DLC1: variants seen among roughly 807,000 people sequenced by gnomAD.
DLC1 encodes the protein rho GTPase-activating protein 7.
DLC1 carries 54 observed loss-of-function variants against 140.3 expected under a neutral mutation model. That is an observed-to-expected ratio of 0.38 (90% CI 0.31 to 0.48). DLC1 has a LOEUF of 0.48. DLC1 is among the 20% of genes least tolerant of loss of function. DLC1 has a pLI of 0.96. For synonymous variants in DLC1, 986 were observed against 728.1 expected, an observed-to-expected ratio of 1.35 and a Z score of -5.70; for missense variants, 2,536 against 1,907.0, an observed-to-expected ratio of 1.33 and a Z score of -6.14.
intron 5 of DLC1, among the ~76,000 whole-genome samples, chr8:13,242,882 G>C (rs1252705328): frequency 6.6e-6 from 1 of 152,054 alleles, no homozygotes; most frequent in Non-Finnish European, 1.5e-5. Flanking sequence ...GACTGATATG[G>C]TTTGATGCTG....
intron 5 of DLC1, among the ~76,000 whole-genome samples, chr8:13,162,107 A>T (rs1475696938): frequency 1.3e-5 from 2 of 152,178 alleles, no homozygotes; most frequent in Non-Finnish European, 2.9e-5. Context: ...AAGGTTGGAA[A>T]CCACTGCTAT....
At chr8:13,093,165 A>C (rs150025591) in intron 12 of DLC1, among the ~76,000 whole-genome samples, 250 of 152,254 alleles carry the variant, frequency 1.6e-3, no homozygotes, top group Non-Finnish European at 2.9e-3. Context: ...AAAAATCCCT[A>C]ATTTATCAAT....
At chr8:13,115,289 A>G (rs573983254) in intron 6 of DLC1, among the ~76,000 whole-genome samples, 1 of 152,210 alleles carries the variant, frequency 6.6e-6, no homozygotes, top group Non-Finnish European at 1.5e-5. Context: ...GTAAAAATGT[A>G]CTTTTCAGGA....
At chr8:13,551,608 G>A (rs550245936) in intron 1 of DLC1, among the ~76,000 whole-genome samples, 1 of 151,776 alleles carries the variant, frequency 6.6e-6, no homozygotes. Context: ...GGCATGTTAA[G>A]GTCCTTTGAG....
At position 13,090,811 on chromosome 8, in the gene DLC1, T is replaced by TTC. The variant is rs1169780335; in HGVS notation, c.3856-342_3856-341insGA. The stretch of plus-strand genomic sequence containing the variant: ...TGTTGCTTTTTCTTTCTTTCTTTCT[T>TTC]TTTTTTTTTTTTGAGAGAGAGTTTC... On this transcript the variant is annotated intron_variant, in intron 14 of 17. Coordinates refer to ENST00000276297, the MANE Select transcript of DLC1 (RefSeq NM_182643.3). Among the ~76,000 whole-genome samples the TTC allele has an allele frequency of 1.2e-4, 17 of 147,764 alleles. No individual in the cohort carries two copies. The East Asian group carries it at 2.2e-3, about 19-fold the overall frequency.
chr8:13,401,459 G>A lies in DLC1; in HGVS notation c.1173+11C>T. 2 of 1,611,520 alleles carry A rather than the reference G, an allele frequency of 1.2e-6. No individual in the cohort carries two copies. Among genetic ancestry groups the A allele is most frequent in the Non-Finnish European group, 1.7e-6 (2 of 1,179,682 alleles). ...TCCTATGGGAAAAGAAGTAGAAAGT[G>A]GAAAGCTCACAGGAACGTGCCGCCG... On this transcript the variant is annotated intron_variant, in intron 3 of 17. Coordinates refer to ENST00000276297, the MANE Select transcript of DLC1 (RefSeq NM_182643.3).
At chr8:13,236,140 G>C (rs1398897779) in intron 5 of DLC1, among the ~76,000 whole-genome samples, 2 of 151,902 alleles carry the variant, frequency 1.3e-5, no homozygotes, top group Non-Finnish European at 2.9e-5. Context: ...GAATACTGAA[G>C]GTAGAATCTA....
intron 2 of DLC1, among the ~76,000 whole-genome samples, chr8:13,447,781 T>C (rs1472887956): frequency 1.3e-5 from 2 of 152,224 alleles, no homozygotes; most frequent in East Asian, 3.9e-4. Context: ...TTTATTTTTA[T>C]TGTTTGTTCT....
intron 4 of DLC1, among the ~76,000 whole-genome samples, chr8:13,331,677 T>C (rs200615359): frequency 6.9e-6 from 1 of 144,788 alleles, no homozygotes; most frequent in Non-Finnish European, 1.5e-5. Context: ...AACCAAAAAA[T>C]AAAAAAAAAA....
intron 4 of DLC1, among the ~76,000 whole-genome samples, chr8:13,332,344 T>C (rs1833624726): frequency 6.6e-6 from 1 of 152,136 alleles, no homozygotes; most frequent in Non-Finnish European, 1.5e-5. Context: ...GAAGTATACC[T>C]GAGAGTCAGA....
At chr8:13,552,728 A>G (rs1431210285) in intron 1 of DLC1, among the ~76,000 whole-genome samples, 1 of 151,786 alleles carries the variant, frequency 6.6e-6, no homozygotes, top group Non-Finnish European at 1.5e-5. Context: ...GTTTTGTCAT[A>G]TTTTTTAAAT....
chr8:13,148,151 T>A lies in DLC1; in HGVS notation c.1349-32494A>T, dbSNP rs551331912. 7.2e-5 allele frequency among the ~76,000 whole-genome samples: 11 copies of A among 152,158 alleles called. 1 individual carries two copies. The South Asian group carries it at 2.3e-3, about 32-fold the overall frequency. ...TTTTTAATTTTAGGTCTGGGGTACA[T>A]GTGCAGGTGACATAGGTAAACTTGT... On this transcript the variant is annotated intron_variant, in intron 5 of 17. Coordinates refer to ENST00000276297, the MANE Select transcript of DLC1 (RefSeq NM_182643.3).
At chr8:13,435,373 G>T (rs1839072245) in intron 2 of DLC1, among the ~76,000 whole-genome samples, 1 of 152,132 alleles carries the variant, frequency 6.6e-6, no homozygotes, top group Non-Finnish European at 1.5e-5. Context: ...GAGTGCAATG[G>T]CTCGATCTCG....
At chr8:13,342,451 T>G (rs1249208568) in intron 4 of DLC1, 5 of 152,244 alleles carry the variant, frequency 3.3e-5, no homozygotes, top group Non-Finnish European at 7.3e-5. Flanking sequence ...GTGAAAGTAT[T>G]TTTCAGATGT....
Position 13,099,783 on chromosome 8 carries a change from T to G in DLC1, c.2554A>C (p.Arg852=), listed in dbSNP as rs768787606. The G allele has an allele frequency of 5.0e-6, 8 of 1,614,040 alleles. No homozygotes were observed. In the African/African-American group the frequency reaches 1.1e-4, roughly 22 times the overall value. Residue 852 remains arginine, a synonymous_variant, in exon 9 of 18, where the codon AGG becomes CGG. Transcript: ENST00000276297. Reference sequence around the variant, plus strand: ...GGGCTGTCGCTACTGTTTTCCCTCCTGAGGCTGATGTGGCCAGGGCCGTGG... The same window carrying G: ...GGGCTGTCGCTACTGTTTTCCCTCCGGAGGCTGATGTGGCCAGGGCCGTGG... The part of the protein sequence containing the change: ...SFHGPGHISL[R]RENSSDSPKE...
intron 2 of DLC1, among the ~76,000 whole-genome samples, chr8:13,461,379 T>C (rs1022448141): frequency 1.3e-5 from 2 of 152,206 alleles, no homozygotes; most frequent in African/African-American, 4.8e-5. Context: ...TACAAACATG[T>C]ACAGGAGCTT....
intron 1 of DLC1, among the ~76,000 whole-genome samples, chr8:13,556,239 A>T (rs968384162): frequency 6.6e-6 from 1 of 152,072 alleles, no homozygotes; most frequent in Non-Finnish European, 1.5e-5. Context: ...CAGAGCTATG[A>T]TTTTGCCCTC....
At chr8:13,604,100 T>C (rs1430853750) in intron 1 of DLC1, among the ~76,000 whole-genome samples, 1 of 152,126 alleles carries the variant, frequency 6.6e-6, no homozygotes, top group Non-Finnish European at 1.5e-5. Flanking sequence ...TATGATATGC[T>C]GAAATTATTC....
chr8:13,429,924 C>G (rs1838779817), intron 2 of DLC1, among the ~76,000 whole-genome samples: 2 of 152,126 alleles, frequency 1.3e-5, no homozygotes, highest in Admixed American at 1.3e-4. Context: ...TTAAGTTATT[C>G]ATATCATATT....
Sources: gnomAD v4.1 joint callset for allele counts (sites outside exome capture counted in the v4.1 genomes callset) on GRCh38, gnomAD v4.1.1 for gene constraint, MANE v1.5 for transcripts, NCBI Gene and HGNC (gene_info 2026-07-23, HGNC 2026-07-21) for gene names.